The following KCNIP4 variants were observed in gnomAD, a reference collection of about 807,000 sequenced individuals.
KCNIP4 encodes the protein Kv channel-interacting protein 4.
In KCNIP4, 12 loss-of-function variants were observed where a neutral mutation model predicts 34.0. That is an observed-to-expected ratio of 0.35 (90% CI 0.23 to 0.57). The LOEUF is 0.57. KCNIP4 is among the 20% of genes least tolerant of loss of function. The pLI is 0.83. For synonymous variants in KCNIP4, 124 were observed against 102.2 expected (o/e 1.21, Z -1.29); for missense variants, 238 against 311.7 (o/e 0.76, Z 1.78).
chr4:21,238,096 A>T (rs1339085010), intron 1 of KCNIP4, among the ~76,000 whole-genome samples: 1 of 152,188 alleles, frequency 6.6e-6, no homozygotes, highest in Non-Finnish European at 1.5e-5. Context: ...AATAAATGTA[A>T]TCCAGCATAT....
intron 2 of KCNIP4, among the ~76,000 whole-genome samples, chr4:20,852,921 G>A (rs962486223): frequency 1.3e-5 from 2 of 152,068 alleles, no homozygotes; most frequent in East Asian, 3.8e-4. Flanking sequence ...TAACAAAGGA[G>A]TCAAAAGACC....
rs531899004 is a variant in KCNIP4 at position 20,874,719 on chromosome 4, T to C, written c.163+7889A>G. 2.0e-5 allele frequency among the ~76,000 whole-genome samples: 3 copies of C among 151,856 alleles called. No individual in the cohort carries two copies. In the South Asian group the frequency reaches 6.2e-4, roughly 32 times the overall value. On this transcript the variant is annotated intron_variant, in intron 2 of 8. Coordinates refer to ENST00000382152, the MANE Select transcript of KCNIP4 (RefSeq NM_025221.6). ...TTTTTAGTTTGGAAGATAGAGATTATAACCCTTGTGATCTGCCATTATCAA... is the reference window on the plus strand; with the variant it reads ...TTTTTAGTTTGGAAGATAGAGATTACAACCCTTGTGATCTGCCATTATCAA...
At chr4:21,796,583 C>T (rs1339144447) in intron 1 of KCNIP4, among the ~76,000 whole-genome samples, 1 of 152,174 alleles carries the variant, frequency 6.6e-6, no homozygotes, top group African/African-American at 2.4e-5. Context: ...GATAATGAGC[C>T]ATTTCTTAAA....
chr4:21,684,112 C>T (rs1340790676), intron 1 of KCNIP4, among the ~76,000 whole-genome samples: 2 of 151,834 alleles, frequency 1.3e-5, no homozygotes, highest in Non-Finnish European at 2.9e-5. Context: ...ACCTCCAAAC[C>T]TAAAATAAAA....
intron 3 of KCNIP4, among the ~76,000 whole-genome samples, chr4:20,810,283 C>T (rs1203211371): frequency 6.6e-6 from 1 of 152,098 alleles, no homozygotes; most frequent in Admixed American, 6.5e-5. Context: ...GTATCGTCCC[C>T]TCTGGCATCC....
At chr4:21,259,685 G>A (rs886629440) in intron 1 of KCNIP4, among the ~76,000 whole-genome samples, 1 of 152,130 alleles carries the variant, frequency 6.6e-6, no homozygotes, top group Non-Finnish European at 1.5e-5. Flanking sequence ...GTGCCTTACG[G>A]TCAGGTGGGG....
At chr4:20,961,697 G>T (rs1476078708) in intron 1 of KCNIP4, among the ~76,000 whole-genome samples, 1 of 152,038 alleles carries the variant, frequency 6.6e-6, no homozygotes, top group Non-Finnish European at 1.5e-5. Flanking sequence ...AATTAACATA[G>T]GAATCAATTA....
At chr4:21,585,879 A>G (rs1002333362) in intron 1 of KCNIP4, among the ~76,000 whole-genome samples, 40 of 152,242 alleles carry the variant, frequency 2.6e-4, no homozygotes, top group Admixed American at 2.0e-3. Flanking sequence ...AAAGACTACA[A>G]TGGATCATGA....
rs6821915 is a variant in KCNIP4, at chr4:21,519,528, A to G, written c.61+429043T>C. On this transcript the variant is annotated intron_variant, in intron 1 of 8. Transcript: ENST00000382152. ...TATGTGTATATACACATATGTGTGT[A>G]TGTGTATGTGTATATACACATATGT... is the stretch of plus-strand genomic sequence containing the variant. Among the ~76,000 whole-genome samples the G allele has an allele frequency of 4.1e-3, 243 of 58,882 alleles. 36 individuals carry two copies. Among genetic ancestry groups the G allele is most frequent in the African/African-American group, 0.013 (148 of 11,782 alleles). 38.6% of individuals were successfully genotyped at this position (58,882 alleles called of 152,430 possible). A position where few individuals can be genotyped will look rare whatever the true frequency, so the allele number is the denominator to read the frequency against.
intron 1 of KCNIP4, among the ~76,000 whole-genome samples, chr4:21,931,761 C>T (rs1231488257): frequency 6.6e-6 from 1 of 152,066 alleles, no homozygotes; most frequent in Non-Finnish European, 1.5e-5. Context: ...GTCTTTATAG[C>T]AGCATGATTT....
chr4:21,234,044 TATATAACAC>T, intron 1 of KCNIP4, among the ~76,000 whole-genome samples: 1 of 117,146 alleles, frequency 8.5e-6, no homozygotes, highest in South Asian at 2.3e-4. Flanking sequence ...ATATATAACA[TATATAACAC>T]ATAACATATA....
chr4:20,773,164 T>A (rs1756065083), intron 3 of KCNIP4, among the ~76,000 whole-genome samples: 1 of 152,202 alleles, frequency 6.6e-6, no homozygotes, highest in African/African-American at 2.4e-5. Context: ...GCCACTCATA[T>A]CACTTACTAG....
chr4:21,476,459 A>G (rs1730984317), intron 1 of KCNIP4, among the ~76,000 whole-genome samples: 1 of 152,164 alleles, frequency 6.6e-6, no homozygotes, highest in African/African-American at 2.4e-5. Context: ...GAAGAGGAAG[A>G]TGTTTCTCCC....
chr4:21,234,190 T>TAACA (rs1759092758), intron 1 of KCNIP4, among the ~76,000 whole-genome samples: 2 of 86,060 alleles, frequency 2.3e-5, no homozygotes, highest in African/African-American at 7.7e-5. Context: ...ATAACGTATA[T>TAACA]TATATATAAC....
intron 1 of KCNIP4, among the ~76,000 whole-genome samples, chr4:21,714,779 CCCTTTGAT>C (rs1714024053): frequency 1.9e-5 from 1 of 52,672 alleles, no homozygotes; most frequent in African/African-American, 1.3e-4. Context: ...TTAGTAATTT[CCCTTTGAT>C]TATTTTATTT....
intron 1 of KCNIP4, among the ~76,000 whole-genome samples, chr4:21,467,117 C>CAAAA (rs1491559314): frequency 8.0e-6 from 1 of 124,574 alleles, no homozygotes; most frequent in Non-Finnish European, 1.8e-5. Context: ...CACACACACA[C>CAAAA]AAAACAGAAC....
chr4:20,907,198 G>A, intron 1 of KCNIP4, among the ~76,000 whole-genome samples: 1 of 152,170 alleles, frequency 6.6e-6, no homozygotes, highest in Non-Finnish European at 1.5e-5. Context: ...TATGATAATG[G>A]AAACTGAGCT....
chr4:20,926,676 G>GGGGC (rs1729923403), intron 1 of KCNIP4, among the ~76,000 whole-genome samples: 1 of 152,136 alleles, frequency 6.6e-6, no homozygotes, highest in Non-Finnish European at 1.5e-5. Flanking sequence ...AATGTTTTGA[G>GGGGC]ATTCTTTAAG....
chr4:21,284,102 A>T (rs36091140), intron 1 of KCNIP4, among the ~76,000 whole-genome samples: 1 of 151,490 alleles, frequency 6.6e-6, no homozygotes, highest in East Asian at 2.0e-4. Context: ...AGTCCCAGCT[A>T]CTTGGGAGGC....
Sources: allele counts gnomAD v4.1 joint callset (sites outside exome capture counted in the v4.1 genomes callset), GRCh38; gene constraint gnomAD v4.1.1; transcripts MANE v1.5; gene names NCBI Gene and HGNC (gene_info 2026-07-23, HGNC 2026-07-21).